GPD2: variants seen among roughly 807,000 people sequenced by gnomAD.
The protein encoded by GPD2 is glycerol-3-phosphate dehydrogenase 2, also known as glycerol-3-phosphate dehydrogenase, mitochondrial.
GPD2 carries 54 observed loss-of-function variants against 82.4 expected under a neutral mutation model. The observed-to-expected ratio is 0.66, with a 90% CI of 0.53 to 0.82. GPD2 has a LOEUF of 0.82. Ranked by LOEUF, GPD2 falls within the 40% of genes least tolerant of loss-of-function variation. GPD2 has a pLI of 0.00. For missense variants in GPD2, 748 were observed against 896.2 expected, an observed-to-expected ratio of 0.83 and a Z score of 2.11; for synonymous variants, 288 against 306.1, an observed-to-expected ratio of 0.94 and a Z score of 0.62.
At chr2:156,472,675 TAGAGACTTC>T (rs1201882664) in intron 1 of GPD2, among the ~76,000 whole-genome samples, 1 of 152,188 alleles carries the variant, frequency 6.6e-6, no homozygotes, top group African/African-American at 2.4e-5. Flanking sequence ...GATACTTTGC[TAGAGACTTC>T]TTCATTGCCT....
At chr2:156,446,559 C>T (rs1015116751) in intron 1 of GPD2, among the ~76,000 whole-genome samples, 1 of 151,852 alleles carries the variant, frequency 6.6e-6, no homozygotes, top group African/African-American at 2.4e-5. Context: ...CTTAGCTGTC[C>T]CCTTCACAGT....
At chr2:156,468,647 T>A (rs1683224065) in intron 1 of GPD2, among the ~76,000 whole-genome samples, 1 of 152,232 alleles carries the variant, frequency 6.6e-6, no homozygotes, top group Admixed American at 6.5e-5. Context: ...TTTCTCAGTG[T>A]AGGTGATTGG....
At chr2:156,470,448 C>T (rs1485327786) in intron 1 of GPD2, among the ~76,000 whole-genome samples, 2 of 152,184 alleles carry the variant, frequency 1.3e-5, no homozygotes, top group Middle Eastern at 3.2e-3. Context: ...ATCCTCCTGC[C>T]TTGGCCTCCC....
At chr2:156,480,238 A>G (rs1259305059) in intron 2 of GPD2, among the ~76,000 whole-genome samples, 1 of 152,170 alleles carries the variant, frequency 6.6e-6, no homozygotes, top group Non-Finnish European at 1.5e-5. Context: ...TTTTAGAACA[A>G]GTAAACCTTT....
chr2:156,571,233 C>T lies in GPD2; in HGVS notation c.1708C>T (p.Leu570=), dbSNP rs897952387. The change falls in exon 13 of 17, where the codon CTA becomes TTA. Residue 570 remains leucine, a synonymous_variant. Transcript: ENST00000438166. ...FLNVQAAEEA[L]PRIVELMGRE... Reference sequence around the variant, plus strand: ...AAATGTCCAGGCAGCAGAGGAAGCCCTACCCAGGATTGTTGAACTGATGGG... The same window carrying T: ...AAATGTCCAGGCAGCAGAGGAAGCCTTACCCAGGATTGTTGAACTGATGGG... The T allele has an allele frequency of 2.5e-6, 4 of 1,612,690 alleles. No individual in the cohort carries two copies. In the African/African-American group the frequency reaches 5.3e-5, roughly 22 times the overall value.
chr2:156,451,720 C>A (rs1180969929), intron 1 of GPD2, among the ~76,000 whole-genome samples: 2 of 144,370 alleles, frequency 1.4e-5, no homozygotes, highest in South Asian at 2.2e-4. Context: ...CCCTCCCGGA[C>A]GGGGCGGCTG....
At chr2:156,524,017 A>G (rs939024570) in intron 6 of GPD2, among the ~76,000 whole-genome samples, 6 of 152,200 alleles carry the variant, frequency 3.9e-5, no homozygotes, top group Non-Finnish European at 5.9e-5. Context: ...TCAGGGGCAC[A>G]TGTACAGGTT....
chr2:156,539,062 G>A (rs2105318775), intron 6 of GPD2, among the ~76,000 whole-genome samples: 1 of 152,292 alleles, frequency 6.6e-6, no homozygotes, highest in East Asian at 1.9e-4. Context: ...CTGGGTTGCT[G>A]AGAGATGTTA....
At chr2:156,435,681 C>T (rs946219610), upstream of GPD2, 2 of 152,196 alleles carry the variant, frequency 1.3e-5, no homozygotes, top group African/African-American at 4.8e-5. Context: ...GTTCTGGGCT[C>T]TGACGGCGGG....
intron 1 of GPD2, among the ~76,000 whole-genome samples, chr2:156,451,137 A>C (rs1682548047): frequency 1.3e-5 from 2 of 149,976 alleles, no homozygotes; most frequent in African/African-American, 2.4e-5. Flanking sequence ...ATTCCACAAA[A>C]CCGCCATTGT....
chr2:156,425,603 G>A, the GPD2 span, among the ~76,000 whole-genome samples: 1 of 152,148 alleles, frequency 6.6e-6, no homozygotes, highest in Non-Finnish European at 1.5e-5. Flanking sequence ...AGAAGTGATG[G>A]TGCAGACTTT....
At chr2:156,401,207 A>C in the GPD2 span, among the ~76,000 whole-genome samples, 3 of 152,164 alleles carry the variant, frequency 2.0e-5, no homozygotes, top group South Asian at 2.1e-4. Flanking sequence ...CTACCACTGA[A>C]CCACCAATGC....
At chr2:156,551,289 A>G (rs1300131255) in intron 8 of GPD2, among the ~76,000 whole-genome samples, 1 of 152,220 alleles carries the variant, frequency 6.6e-6, no homozygotes, top group East Asian at 1.9e-4. Flanking sequence ...GGGCAGGAGT[A>G]GAGATAAAAT....
intron 8 of GPD2, among the ~76,000 whole-genome samples, chr2:156,551,586 A>T (rs552474410): frequency 7.9e-5 from 12 of 152,218 alleles, no homozygotes; most frequent in Non-Finnish European, 1.3e-4. Flanking sequence ...TATGTGCAAC[A>T]GTATTCATTA....
chr2:156,496,963 GTCTA>G (rs1268352530), intron 3 of GPD2, among the ~76,000 whole-genome samples: 2 of 76,586 alleles, frequency 2.6e-5, no homozygotes, highest in Non-Finnish European at 8.7e-5. Flanking sequence ...CAGTCATTCT[GTCTA>G]TTAGTGGAAA....
At chr2:156,547,826 C>CA (rs1686605653) in intron 6 of GPD2, among the ~76,000 whole-genome samples, 1 of 152,152 alleles carries the variant, frequency 6.6e-6, no homozygotes, top group African/African-American at 2.4e-5. Context: ...GAATGTATAA[C>CA]TGTTTTCTAA....
rs1684966367 is a variant in GPD2, at chr2:156,510,797, A to G, written c.276A>G (p.Gly92=). 1.2e-6 allele frequency: 2 copies of G among 1,612,792 alleles called. No homozygotes were observed. Among genetic ancestry groups the G allele is most frequent in the Admixed American group, 3.3e-5 (2 of 60,008 alleles). The change falls in exon 4 of 17, where the codon GGA becomes GGG. Residue 92 remains glycine, a splice_region_variant and synonymous_variant. Coordinates refer to ENST00000438166, the MANE Select transcript of GPD2 (RefSeq NM_000408.5). ...TAATTTGGTTTTCTGGTTACACAGG[A>G]CTAAAAACAGCCCTTGTAGAAAGAG... ...SGCALDAVTR[G]LKTALVERDD... is the part of the protein sequence containing the mutation.
At chr2:156,426,731 T>C in the GPD2 span, among the ~76,000 whole-genome samples, 6 of 152,084 alleles carry the variant, frequency 3.9e-5, no homozygotes, top group Non-Finnish European at 5.9e-5. Flanking sequence ...CTTTTGTCCT[T>C]ATATAGAGAG....
At chr2:156,470,219 G>A (rs1683282668) in intron 1 of GPD2, among the ~76,000 whole-genome samples, 1 of 151,780 alleles carries the variant, frequency 6.6e-6, no homozygotes. Flanking sequence ...TTTTAAGACA[G>A]GGTTTTGCTC....
Sources: gnomAD v4.1 joint callset for allele counts (sites outside exome capture counted in the v4.1 genomes callset) on GRCh38, gnomAD v4.1.1 for gene constraint, MANE v1.5 for transcripts, NCBI Gene and HGNC (gene_info 2026-07-23, HGNC 2026-07-21) for gene names.